SEL1L2: variants seen among roughly 807,000 people sequenced by gnomAD.
The protein encoded by SEL1L2 is protein sel-1 homolog 2.
In SEL1L2, 89 loss-of-function variants were observed where a neutral mutation model predicts 98.8. The ratio of observed to expected loss-of-function variants is 0.90; its 90% confidence interval spans 0.76 to 1.07. SEL1L2 has a LOEUF of 1.07. Ranked by LOEUF, SEL1L2 falls within the 50% of genes least tolerant of loss-of-function variation. SEL1L2 has a pLI of 0.00. For synonymous variants in SEL1L2, 262 were observed against 278.5 expected (o/e 0.94, Z 0.59); for missense variants, 788 against 812.0 (o/e 0.97, Z 0.36).
intron 1 of SEL1L2, among the ~76,000 whole-genome samples, chr20:13,990,116 A>AT (rs1306140335): frequency 1.4e-4 from 22 of 152,146 alleles, no homozygotes; most frequent in Admixed American, 7.9e-4. Context: ...TGAGTCTTAT[A>AT]TTTTTCCTTT....
In SEL1L2 at chr20:13,888,635, C is replaced by CTTTTTTTTT. The variant is rs71188192; in HGVS notation, c.550-132_550-124dup. On this transcript the variant is annotated intron_variant, in intron 5 of 19. Coordinates refer to ENST00000284951, the MANE Select transcript of SEL1L2 (RefSeq NM_025229.2). ...TTGCATTGTTAATTTCTTTCTTTCT[C>CTTTTTTTTT]TTTTTTTTTTTTTTTTTTTTTGAGA... 7.3e-4 allele frequency: 150 copies of CTTTTTTTTT among 206,458 alleles called. 3 individuals are homozygous for CTTTTTTTTT. The highest frequency in any genetic ancestry group is 1.2e-3 in the Admixed American group (10 of 8,342). 12.8% of individuals were successfully genotyped at this position (206,458 alleles called of 1,614,324 possible).
chr20:13,866,762 A>G lies in SEL1L2; in HGVS notation c.1344T>C (p.Tyr448=), dbSNP rs769695898. The change falls in exon 15 of 20, where the codon TAT becomes TAC. Residue 448 remains tyrosine, a synonymous_variant. Transcript: ENST00000284951. ...TTCCTGTTGCATACATCTTGGCCAG[A>G]TAATAAATGGCAAGGGGCTGCCCAC... ...SQSGQPLAIY[Y]LAKMYATGTG... is the part of the protein sequence containing the mutation. The G allele has an allele frequency of 1.2e-6, 2 of 1,612,846 alleles. No individual in the cohort carries two copies. The highest frequency in any genetic ancestry group is 2.2e-5 in the South Asian group (2 of 90,768).
upstream of SEL1L2, among the ~76,000 whole-genome samples, chr20:13,993,785 C>T (rs1355095435): frequency 6.6e-6 from 1 of 152,162 alleles, no homozygotes; most frequent in African/African-American, 2.4e-5. Context: ...TATTTTGCCC[C>T]CTTACCCATC....
At chr20:13,923,932 G>T (rs2048769168) in intron 3 of SEL1L2, among the ~76,000 whole-genome samples, 1 of 152,004 alleles carries the variant, frequency 6.6e-6, no homozygotes, top group Non-Finnish European at 1.5e-5. Context: ...AACAATTGTG[G>T]ATTTGTTCAT....
At chr20:13,896,506 TCCC>T (rs1322940047) in intron 5 of SEL1L2, among the ~76,000 whole-genome samples, 1 of 106,650 alleles carries the variant, frequency 9.4e-6, no homozygotes, top group African/African-American at 3.7e-5. Context: ...AACAAACAAC[TCCC>T]CCCCCCCCCA....
intron 10 of SEL1L2, among the ~76,000 whole-genome samples, chr20:13,881,838 C>A (rs1489033980): frequency 6.6e-6 from 1 of 152,118 alleles, no homozygotes; most frequent in African/African-American, 2.4e-5. Context: ...TATTAGCATG[C>A]TGGCTCAAGT....
intron 1 of SEL1L2, among the ~76,000 whole-genome samples, chr20:13,971,467 C>A (rs1382375528): frequency 6.6e-6 from 1 of 152,162 alleles, no homozygotes; most frequent in African/African-American, 2.4e-5. Flanking sequence ...ACTCTGTCAT[C>A]CAGGCTGAAG....
chr20:13,886,181 C>A (rs993407783), intron 9 of SEL1L2, 107 bp downstream of exon 9: 33 of 709,714 alleles, frequency 4.6e-5, no homozygotes, highest in Non-Finnish European at 6.8e-5. Flanking sequence ...GGTCTCCCCC[C>A]ATTCCTATTT....
At chr20:13,974,014 G>A (rs779433521) in intron 1 of SEL1L2, among the ~76,000 whole-genome samples, 2 of 152,118 alleles carry the variant, frequency 1.3e-5, no homozygotes, top group African/African-American at 4.8e-5. Flanking sequence ...AGCATTTTCC[G>A]TTGAAAAGGT....
intron 10 of SEL1L2, among the ~76,000 whole-genome samples, chr20:13,883,109 C>T (rs1314772124): frequency 1.3e-5 from 2 of 152,102 alleles, no homozygotes; most frequent in Admixed American, 6.6e-5. Context: ...CGTGAGCCAC[C>T]GCGCCTGGCC....
intron 14 of SEL1L2, among the ~76,000 whole-genome samples, chr20:13,868,996 CT>C (rs1004053364): frequency 1.4e-3 from 198 of 145,674 alleles, no homozygotes; most frequent in East Asian, 1.8e-3. Context: ...CCATTAAGAT[CT>C]TTTTTTTTTT....
chr20:13,906,101 C>T (rs2047919041), intron 5 of SEL1L2, among the ~76,000 whole-genome samples: 6 of 152,042 alleles, frequency 3.9e-5, no homozygotes, highest in Admixed American at 3.9e-4. Flanking sequence ...GTCTCGAACT[C>T]CTGACCTAAA....
chr20:13,903,529 C>A (rs2047778600), intron 5 of SEL1L2, among the ~76,000 whole-genome samples: 1 of 152,198 alleles, frequency 6.6e-6, no homozygotes, highest in Admixed American at 6.5e-5. Flanking sequence ...ATTGGCAACA[C>A]TCTAGTCTTT....
chr20:13,858,700 T>C (rs1048557660), intron 18 of SEL1L2, among the ~76,000 whole-genome samples: 2 of 152,236 alleles, frequency 1.3e-5, no homozygotes, highest in African/African-American at 4.8e-5. Context: ...CAGTGCTGGC[T>C]GTTTTTCTAA....
chr20:13,901,752 C>G (rs183678281), intron 5 of SEL1L2, among the ~76,000 whole-genome samples: 3,042 of 151,672 alleles, frequency 0.02, 48 homozygotes, highest in Non-Finnish European at 0.03. Context: ...AGCTCTGCCT[C>G]CCAGGTTCCC....
chr20:13,957,773 G>C (rs2050607739), intron 1 of SEL1L2, among the ~76,000 whole-genome samples: 1 of 152,088 alleles, frequency 6.6e-6, no homozygotes, highest in South Asian at 2.1e-4. Flanking sequence ...AGCTACTTAG[G>C]AGGCTTAGGT....
At chr20:13,976,454 G>T in intron 1 of SEL1L2, among the ~76,000 whole-genome samples, 1 of 152,162 alleles carries the variant, frequency 6.6e-6, no homozygotes. Context: ...TTGACAGATC[G>T]TCTGAAGAAC....
chr20:13,946,615 C>T (rs1272492691), intron 2 of SEL1L2, among the ~76,000 whole-genome samples: 1 of 152,244 alleles, frequency 6.6e-6, no homozygotes, highest in African/African-American at 2.4e-5. Flanking sequence ...AAGCTGGGAA[C>T]AGGAGGGAGC....
intron 5 of SEL1L2, among the ~76,000 whole-genome samples, chr20:13,894,194 T>C (rs1568918384): frequency 6.6e-6 from 1 of 150,586 alleles, no homozygotes; most frequent in Non-Finnish European, 1.5e-5. Context: ...AAGATTAGAG[T>C]AGAAATAAAA....
Sources: gnomAD v4.1 joint callset for allele counts (sites outside exome capture counted in the v4.1 genomes callset) on GRCh38, gnomAD v4.1.1 for gene constraint, MANE v1.5 for transcripts, NCBI Gene and HGNC (gene_info 2026-07-23, HGNC 2026-07-21) for gene names.